SGCZ: variants seen among roughly 807,000 people sequenced by gnomAD.
The protein encoded by SGCZ is sarcoglycan zeta.
Under a neutral mutation model 41.3 loss-of-function variants are expected in SGCZ, and 40 were observed. The ratio of observed to expected loss-of-function variants is 0.97; its 90% CI spans 0.75 to 1.26. The LOEUF is 1.26. SGCZ is among the 50% of genes most tolerant of loss of function. The pLI is 0.00. For synonymous variants in SGCZ, 206 were observed against 137.5 expected (o/e 1.50, Z -3.49); for missense variants, 552 against 369.8 (o/e 1.49, Z -4.04).
At chr8:14,258,629 C>T (rs1799548140) in intron 3 of SGCZ, among the ~76,000 whole-genome samples, 1 of 151,978 alleles carries the variant, frequency 6.6e-6, no homozygotes, top group Non-Finnish European at 1.5e-5. Context: ...ATACTGAGCT[C>T]TTATGAAGTA....
chr8:14,883,182 A>C (rs1266085723), intron 1 of SGCZ, among the ~76,000 whole-genome samples: 2 of 151,888 alleles, frequency 1.3e-5, no homozygotes, highest in African/African-American at 4.8e-5. Flanking sequence ...GAAACAGAAC[A>C]GAACAGAAAG....
chr8:14,096,597 A>C (rs1801852280), intron 7 of SGCZ, among the ~76,000 whole-genome samples: 1 of 152,154 alleles, frequency 6.6e-6, no homozygotes, highest in African/African-American at 2.4e-5. Context: ...AGGTTTTGGT[A>C]TCAGGATGAT....
At chr8:14,987,918 T>C (rs1018634458) in intron 1 of SGCZ, among the ~76,000 whole-genome samples, 1 of 151,948 alleles carries the variant, frequency 6.6e-6, no homozygotes, top group East Asian at 1.9e-4. Flanking sequence ...CAGCAGAAAT[T>C]TTGTCAGTGT....
chr8:14,448,899 C>G (rs1158979550), intron 2 of SGCZ, among the ~76,000 whole-genome samples: 1 of 152,162 alleles, frequency 6.6e-6, no homozygotes, highest in Non-Finnish European at 1.5e-5. Context: ...TATCTCTTCC[C>G]TCTTAGACTA....
At chr8:15,206,011 T>C (rs962625521) in intron 1 of SGCZ, among the ~76,000 whole-genome samples, 1 of 152,100 alleles carries the variant, frequency 6.6e-6, no homozygotes, top group Admixed American at 6.6e-5. Flanking sequence ...TGCATGTTCT[T>C]ACTGGGGTCT....
intron 2 of SGCZ, among the ~76,000 whole-genome samples, chr8:14,542,316 T>C (rs1317984896): frequency 6.6e-6 from 1 of 152,092 alleles, no homozygotes; most frequent in Non-Finnish European, 1.5e-5. Context: ...AGAGATTACA[T>C]TTGCCTCTTT....
At chr8:14,222,454 C>T (rs1806230171) in intron 4 of SGCZ, among the ~76,000 whole-genome samples, 2 of 152,074 alleles carry the variant, frequency 1.3e-5, no homozygotes, top group Admixed American at 1.3e-4. Flanking sequence ...ACACGTGAGC[C>T]ACCGTGCCCG....
At chr8:14,232,461 C>T (rs1360046417) in intron 4 of SGCZ, among the ~76,000 whole-genome samples, 2 of 152,050 alleles carry the variant, frequency 1.3e-5, no homozygotes, top group African/African-American at 2.4e-5. Flanking sequence ...AAATGACATT[C>T]TTCCTTATTA....
At chr8:14,124,842 A>G (rs973048813) in intron 5 of SGCZ, among the ~76,000 whole-genome samples, 1 of 152,190 alleles carries the variant, frequency 6.6e-6, no homozygotes, top group Non-Finnish European at 1.5e-5. Flanking sequence ...AGAAATTTCT[A>G]TTAAGAACCT....
intron 2 of SGCZ, among the ~76,000 whole-genome samples, chr8:14,345,851 G>C (rs920311023): frequency 6.6e-6 from 1 of 152,028 alleles, no homozygotes; most frequent in Non-Finnish European, 1.5e-5. Context: ...AAATCCCTCT[G>C]AACTATATGA....
At chr8:15,038,580 CA>C (rs1803952462) in intron 1 of SGCZ, among the ~76,000 whole-genome samples, 2 of 151,214 alleles carry the variant, frequency 1.3e-5, no homozygotes, top group South Asian at 4.2e-4. Flanking sequence ...CCCAAACGCA[CA>C]GGCAAAAAAG....
At chr8:14,344,804 G>C (rs546747873) in intron 2 of SGCZ, among the ~76,000 whole-genome samples, 2 of 151,836 alleles carry the variant, frequency 1.3e-5, no homozygotes, top group Non-Finnish European at 2.9e-5. Flanking sequence ...CGATGATATA[G>C]CAACATAAAC....
At chr8:14,428,680 C>T (rs551900233) in intron 2 of SGCZ, among the ~76,000 whole-genome samples, 34 of 152,266 alleles carry the variant, frequency 2.2e-4, no homozygotes, top group Admixed American at 6.5e-4. Context: ...TACGTGCATC[C>T]AACCAACTGA....
chr8:14,345,231 C>A (rs569936530), intron 2 of SGCZ, among the ~76,000 whole-genome samples: 29 of 152,212 alleles, frequency 1.9e-4, no homozygotes, highest in African/African-American at 6.5e-4. Flanking sequence ...CAAGTTTTCA[C>A]TACACATCCA....
intron 1 of SGCZ, among the ~76,000 whole-genome samples, chr8:14,973,028 T>C (rs565003184): frequency 2.0e-5 from 3 of 152,208 alleles, no homozygotes; most frequent in Non-Finnish European, 4.4e-5. Flanking sequence ...ACAAACATTA[T>C]GAGTCCTAAT....
intron 1 of SGCZ, among the ~76,000 whole-genome samples, chr8:14,777,625 C>A (rs575741934): frequency 6.6e-6 from 1 of 152,028 alleles, no homozygotes; most frequent in Admixed American, 6.6e-5. Context: ...ATAAGACATA[C>A]GCATATCCAT....
At chr8:14,458,073 G>T (rs1034164036) in intron 2 of SGCZ, among the ~76,000 whole-genome samples, 3 of 152,056 alleles carry the variant, frequency 2.0e-5, no homozygotes, top group African/African-American at 7.2e-5. Flanking sequence ...CCCAGTCTCA[G>T]GCATTTCTTT....
At chr8:15,138,591 T>G (rs1457740218) in intron 1 of SGCZ, among the ~76,000 whole-genome samples, 2 of 152,132 alleles carry the variant, frequency 1.3e-5, no homozygotes, top group Non-Finnish European at 2.9e-5. Context: ...TTTCACAAGA[T>G]CTGGTGGTTT....
intron 2 of SGCZ, among the ~76,000 whole-genome samples, chr8:14,550,732 C>A (rs750905857): frequency 7.2e-5 from 11 of 151,908 alleles, no homozygotes; most frequent in Non-Finnish European, 1.3e-4. Context: ...TCAATTCTTC[C>A]CAACTCAAGA....
Sources: gnomAD v4.1 joint callset for allele counts (sites outside exome capture counted in the v4.1 genomes callset) on GRCh38, gnomAD v4.1.1 for gene constraint, MANE v1.5 for transcripts, NCBI Gene and HGNC (gene_info 2026-07-23, HGNC 2026-07-21) for gene names.